The following SF3A3 variants were observed in gnomAD, a reference collection of about 807,000 sequenced individuals.
The protein encoded by SF3A3 is splicing factor 3a subunit 3.
A neutral mutation model predicts 85.8 loss-of-function variants in SF3A3; 9 were observed. The observed-to-expected ratio is 0.10, with a 90% CI of 0.06 to 0.18. The LOEUF is 0.18. Among genes scored for constraint, SF3A3 ranks in the 10% least tolerant of loss-of-function variants. The pLI is 1.00. For missense variants in SF3A3, 306 were observed against 593.3 expected, an observed-to-expected ratio of 0.52 and a Z score of 5.03; for synonymous variants, 195 against 204.4, an observed-to-expected ratio of 0.95 and a Z score of 0.39.
chr1:37,982,844 C>T (rs1037883405), intron 6 of SF3A3, among the ~76,000 whole-genome samples: 4 of 151,918 alleles, frequency 2.6e-5, no homozygotes, highest in Non-Finnish European at 4.4e-5. Context: ...CCTGTAATCC[C>T]AAGGCTTTGA....
chr1:37,962,472 G>A (rs1263270498), intron 15 of SF3A3, among the ~76,000 whole-genome samples: 1 of 151,392 alleles, frequency 6.6e-6, no homozygotes, highest in African/African-American at 2.4e-5. Context: ...GCATGGTGGT[G>A]CATGCCTGTA....
chr1:37,958,679 T>C (rs1290615423), intron 16 of SF3A3, among the ~76,000 whole-genome samples: 2 of 152,270 alleles, frequency 1.3e-5, no homozygotes, highest in Non-Finnish European at 2.9e-5. Flanking sequence ...CCAGGAAGTC[T>C]GAGCTTCCCC....
chr1:37,987,749 C>A (rs1394123086), intron 3 of SF3A3, 35 bp downstream of exon 3: 1 of 1,605,326 alleles, frequency 6.2e-7, no homozygotes, highest in South Asian at 1.1e-5. Context: ...TCCTCAGAAG[C>A]ACTAACTCCT....
At position 37,958,252 on chromosome 1, in the gene SF3A3, T is replaced by C; in HGVS notation, c.1440A>G (p.Glu480=). Residue 480 remains glutamate, a synonymous_variant, in exon 17 of 17, where the codon GAA becomes GAG. Transcript: ENST00000373019. ...TATTCACAACATTCCCACTTGAGTC[T>C]TCATATTCTTCCTGAAAAGGAAGGG... ...RWQPDTEEEY[E]DSSGNVVNKK... 4 of 1,611,106 alleles carry C rather than the reference T, an allele frequency of 2.5e-6. No homozygotes were observed. Among genetic ancestry groups the C allele is most frequent in the Non-Finnish European group, 3.4e-6 (4 of 1,177,218 alleles).
intron 6 of SF3A3, among the ~76,000 whole-genome samples, chr1:37,982,496 G>A (rs914702686): frequency 4.0e-5 from 6 of 151,014 alleles, no homozygotes; most frequent in African/African-American, 1.5e-4. Context: ...TCAGCCTCCT[G>A]AGTAATTGGG....
chr1:37,983,900 G>A (rs1646437827), intron 6 of SF3A3, among the ~76,000 whole-genome samples: 1 of 151,892 alleles, frequency 6.6e-6, no homozygotes. Context: ...TCATACCACT[G>A]CACTCCAGAC....
chr1:37,968,191 C>T (rs1646315813), intron 14 of SF3A3, 57 bp from the exon 15 acceptor site: 2 of 998,572 alleles, frequency 2.0e-6, no homozygotes, highest in African/African-American at 1.6e-5. Flanking sequence ...GAACACAGAG[C>T]ACTAACTCCA....
chr1:37,988,891 ATATATT>A (rs1270553439), intron 2 of SF3A3, among the ~76,000 whole-genome samples: 1 of 149,120 alleles, frequency 6.7e-6, no homozygotes, highest in Non-Finnish European at 1.5e-5. Flanking sequence ...ATATATATAT[ATATATT>A]TTTTTTTTCA....
rs916725902 is a variant in SF3A3 at position 37,969,876 on chromosome 1, T to C, written c.1006-141A>G. The C allele has an allele frequency of 5.3e-5, 47 of 887,240 alleles. No individual in the cohort carries two copies. In the South Asian group the frequency reaches 7.1e-4, roughly 13 times the overall value. 55.0% of individuals were successfully genotyped at this position (887,240 alleles called of 1,614,324 possible). Reference sequence around the variant, plus strand: ...TTACAGAATAAAGGAAAATCTTGCCTTCATATCAGAACTCCTTATCAGCAG... The same window carrying C: ...TTACAGAATAAAGGAAAATCTTGCCCTCATATCAGAACTCCTTATCAGCAG... On this transcript the variant is annotated intron_variant, in intron 12 of 16. Coordinates refer to ENST00000373019, the MANE Select transcript of SF3A3 (RefSeq NM_006802.4).
At chr1:37,964,395 A>G (rs778221777) in intron 15 of SF3A3, among the ~76,000 whole-genome samples, 16 of 152,136 alleles carry the variant, frequency 1.1e-4, no homozygotes, top group Non-Finnish European at 2.2e-4. Flanking sequence ...ACCTGAGATC[A>G]GGAATTTGAG....
At chr1:37,958,438 C>T (rs920111814) in intron 16 of SF3A3, among the ~76,000 whole-genome samples, 175 bp from the exon 17 acceptor site, 4 of 152,232 alleles carry the variant, frequency 2.6e-5, no homozygotes, top group African/African-American at 4.8e-5. Flanking sequence ...TTAAGTCCCA[C>T]TGCCCCAAAG....
chr1:37,978,910 A>G, intron 10 of SF3A3, 78 bp downstream of exon 10: 1 of 1,556,834 alleles, frequency 6.4e-7, no homozygotes, highest in Non-Finnish European at 8.9e-7. Flanking sequence ...GCAACAAAAA[A>G]AATGGAATCA....
At chr1:37,986,454 G>A (rs1417926695) in intron 4 of SF3A3, among the ~76,000 whole-genome samples, 3 of 152,112 alleles carry the variant, frequency 2.0e-5, no homozygotes, top group Admixed American at 6.6e-5. Flanking sequence ...GAGTGGTCAT[G>A]TGACCTTTCT....
At position 37,960,226 on chromosome 1, in the gene SF3A3, G is replaced by C. The variant is rs28373598; in HGVS notation, c.1373-51C>G. 2.9e-5 allele frequency: 44 copies of C among 1,508,970 alleles called. 1 individual carries two copies. In the East Asian group the frequency reaches 7.7e-4, roughly 26 times the overall value. The allele number at this position is 1,508,970 out of a possible 1,614,324, so 93.5% of individuals were successfully genotyped here. ...TCAGGATGGACTGAACATCTGTTGG[G>C]TATCCAGTGTTATAATCCTCTCTCC... On this transcript the variant is annotated intron_variant, in intron 15 of 16. Transcript: ENST00000373019.
chr1:37,963,149 A>AATCTC, intron 15 of SF3A3, among the ~76,000 whole-genome samples: 1 of 152,320 alleles, frequency 6.6e-6, no homozygotes, highest in African/African-American at 2.4e-5. Context: ...TGCAGGCTAA[A>AATCTC]ATCTCCAAGA....
chr1:37,989,939 C>T lies in SF3A3; in HGVS notation c.27G>A (p.Arg9=), dbSNP rs767882920. Reference sequence around the variant, plus strand: ...GCCGTTCCTTCTCCTCATGATAGCGCCGCTGCTGCTCCAGTATTGTCTCCA... The same window carrying T: ...GCCGTTCCTTCTCCTCATGATAGCGTCGCTGCTGCTCCAGTATTGTCTCCA... METILEQQ[R]RYHEEKERLM... The change falls in exon 1 of 17, where the codon CGG becomes CGA. Residue 9 remains arginine, a synonymous_variant. Coordinates refer to ENST00000373019, the MANE Select transcript of SF3A3 (RefSeq NM_006802.4). The T allele has an allele frequency of 6.2e-6, 10 of 1,612,918 alleles. No individual in the cohort carries two copies. Among genetic ancestry groups the T allele is most frequent in the African/African-American group, 1.3e-5 (1 of 74,908 alleles).
intron 1 of SF3A3, 89 bp downstream of exon 1, chr1:37,989,781 G>A (rs1646482746): frequency 8.7e-6 from 11 of 1,260,316 alleles, no homozygotes; most frequent in Non-Finnish European, 1.3e-5. Flanking sequence ...AAGGCAGGGA[G>A]GTTCTGAGGG....
intron 6 of SF3A3, among the ~76,000 whole-genome samples, chr1:37,983,185 A>G (rs1570468892): frequency 7.0e-6 from 1 of 143,258 alleles, no homozygotes; most frequent in Non-Finnish European, 1.5e-5. Flanking sequence ...TGATCTGCCC[A>G]CCTTGGCCTC....
chr1:37,969,278 G>A (rs1024609648), intron 14 of SF3A3, 76 bp downstream of exon 14: 13 of 1,080,122 alleles, frequency 1.2e-5, no homozygotes, highest in African/African-American at 1.6e-5. Context: ...GTCCACATAG[G>A]CTGCTCCTAC....
Sources: allele counts gnomAD v4.1 joint callset (sites outside exome capture counted in the v4.1 genomes callset), GRCh38; gene constraint gnomAD v4.1.1; transcripts MANE v1.5; gene names NCBI Gene and HGNC (gene_info 2026-07-23, HGNC 2026-07-21).